Variants in MGMT observed in about 807,000 individuals in gnomAD.
The protein encoded by MGMT is O-6-methylguanine-DNA methyltransferase.
Under a neutral mutation model 15.9 loss-of-function variants are expected in MGMT, and 14 were observed. The observed-to-expected ratio is 0.88, with a 90% CI of 0.58 to 1.37. The LOEUF is 1.37. MGMT is among the 40% of genes most tolerant of loss of function. The pLI is 0.00. For missense variants in MGMT, 282 were observed against 268.1 expected (o/e 1.05, Z -0.36); for synonymous variants, 130 against 118.2 (o/e 1.10, Z -0.65).
chr10:129,552,874 T>C (rs140219420), intron 2 of MGMT, among the ~76,000 whole-genome samples: 4,091 of 152,348 alleles, frequency 0.027, 91 homozygotes, highest in South Asian at 0.064. Context: ...AACGTTTTTT[T>C]CCTGGCTTTT....
intron 2 of MGMT, among the ~76,000 whole-genome samples, chr10:129,641,386 A>C (rs1427759555): frequency 1.3e-5 from 2 of 152,218 alleles, no homozygotes; most frequent in East Asian, 3.8e-4. Context: ...ATTTAACATG[A>C]TTCCAGTCAA....
intron 2 of MGMT, among the ~76,000 whole-genome samples, chr10:129,631,040 T>C (rs1306261770): frequency 6.6e-6 from 1 of 152,202 alleles, no homozygotes; most frequent in African/African-American, 2.4e-5. Context: ...ATCAATAGGA[T>C]CATAAAAGTA....
intron 3 of MGMT, among the ~76,000 whole-genome samples, chr10:129,712,622 G>T (rs1352866708): frequency 6.6e-6 from 1 of 152,176 alleles, no homozygotes; most frequent in African/African-American, 2.4e-5. Flanking sequence ...GGTTCCCACC[G>T]TGTCCTGGAA....
chr10:129,557,007 T>TGG (rs1039475813), intron 2 of MGMT, among the ~76,000 whole-genome samples: 1 of 152,230 alleles, frequency 6.6e-6, no homozygotes, highest in Non-Finnish European at 1.5e-5. Flanking sequence ...TGCTGTGACC[T>TGG]GGGCTGCATG....
At chr10:129,620,175 T>G (rs559057576) in intron 2 of MGMT, among the ~76,000 whole-genome samples, 1 of 152,382 alleles carries the variant, frequency 6.6e-6, no homozygotes, top group Non-Finnish European at 1.5e-5. Context: ...CATTAACTTC[T>G]AAGCAGTGCT....
chr10:129,477,563 G>A (rs919468717), intron 1 of MGMT, among the ~76,000 whole-genome samples: 1 of 151,606 alleles, frequency 6.6e-6, no homozygotes. Context: ...AGAAAGAGAG[G>A]ATCTTTTTTC....
chr10:129,653,910 G>A (rs866050541), intron 2 of MGMT, among the ~76,000 whole-genome samples: 9 of 152,234 alleles, frequency 5.9e-5, no homozygotes, highest in African/African-American at 9.6e-5. Context: ...AGAGGAGAGC[G>A]GCCCTGCAGT....
chr10:129,671,363 T>G (rs1348440849), intron 2 of MGMT, among the ~76,000 whole-genome samples: 1 of 152,202 alleles, frequency 6.6e-6, no homozygotes, highest in Non-Finnish European at 1.5e-5. Flanking sequence ...ATGCTACTAA[T>G]TAGAAGTTTA....
In MGMT at chr10:129,566,026, C is replaced by T. The variant is rs1461402155; in HGVS notation, c.125+29649C>T. Among the ~76,000 whole-genome samples the T allele has an allele frequency of 2.0e-5, 3 of 152,200 alleles. No individual in the cohort carries two copies. Among genetic ancestry groups the T allele is most frequent in the African/African-American group, 4.8e-5 (2 of 41,462 alleles). On this transcript the variant is annotated intron_variant, in intron 2 of 4. Coordinates refer to ENST00000651593, the MANE Select transcript of MGMT (RefSeq NM_002412.5). The surrounding 1 kb of genome is among the most constrained non-coding windows in gnomAD (Gnocchi z 4.1). ...GTCTGAGTTCTGTCCAGTTCAGGTT[C>T]GTAGGCCACTCTTGCAGCTCTGTTC...
chr10:129,709,469 C>G (rs768490339), intron 3 of MGMT, among the ~76,000 whole-genome samples: 38 of 152,200 alleles, frequency 2.5e-4, no homozygotes, highest in Non-Finnish European at 4.3e-4. Context: ...GTGGTGAACT[C>G]TTCTCTATAC....
At chr10:129,484,570 C>A (rs765597664) in intron 1 of MGMT, among the ~76,000 whole-genome samples, 6 of 152,108 alleles carry the variant, frequency 3.9e-5, no homozygotes, top group African/African-American at 1.4e-4. Context: ...CCTTGTTTTA[C>A]GCATCTCTAC....
Position 129,505,998 on chromosome 10 carries a change from C to T in MGMT, c.-12-30243C>T, listed in dbSNP as rs1444267646. On this transcript the variant is annotated intron_variant, in intron 1 of 4. Coordinates refer to ENST00000651593, the MANE Select transcript of MGMT (RefSeq NM_002412.5). ...GACCTGCAGAGTGGTCTCTCGTCTG[C>T]AGTTGCTATTTTTTTTTTTTTTTTT... 5.5e-5 allele frequency among the ~76,000 whole-genome samples: 8 copies of T among 146,360 alleles called. No homozygotes were observed. The Admixed American group carries it at 5.5e-4, about 10-fold the overall frequency.
intron 2 of MGMT, among the ~76,000 whole-genome samples, chr10:129,557,246 TGTATCTTG>T (rs1479593226): frequency 6.6e-6 from 1 of 152,240 alleles, no homozygotes; most frequent in Admixed American, 6.5e-5. Flanking sequence ...GTACTCGCCC[TGTATCTTG>T]GTCTTCTCCT....
At chr10:129,543,322 C>T (rs1453348179) in intron 2 of MGMT, among the ~76,000 whole-genome samples, 2 of 152,138 alleles carry the variant, frequency 1.3e-5, no homozygotes, top group African/African-American at 4.8e-5. Context: ...CCTTCCAAGT[C>T]GTGAATGATG....
chr10:129,473,141 G>T (rs564807664), intron 1 of MGMT, among the ~76,000 whole-genome samples: 1 of 152,214 alleles, frequency 6.6e-6, no homozygotes, highest in Non-Finnish European at 1.5e-5. Context: ...GATCTGACAC[G>T]ATGGCAGTGG....
chr10:129,764,480 G>A (rs3793908), intron 4 of MGMT, among the ~76,000 whole-genome samples: 37,934 of 152,194 alleles, frequency 0.25, 5,697 homozygotes, highest in African/African-American at 0.42. Context: ...AAAAGTAGCA[G>A]TCACCTCCCC....
intron 2 of MGMT, among the ~76,000 whole-genome samples, chr10:129,589,562 T>G (rs536745751): frequency 1.3e-5 from 2 of 152,394 alleles, no homozygotes; most frequent in East Asian, 3.9e-4. Flanking sequence ...CTTTCCATTA[T>G]TCTCAGCAGG....
chr10:129,603,373 C>A (rs939058879), intron 2 of MGMT, among the ~76,000 whole-genome samples: 1 of 152,158 alleles, frequency 6.6e-6, no homozygotes, highest in Admixed American at 6.5e-5. Context: ...TGACTGAGCG[C>A]GTTGGGTTGA....
intron 2 of MGMT, among the ~76,000 whole-genome samples, chr10:129,564,410 T>A (rs1162262536): frequency 5.8e-5 from 3 of 51,706 alleles, no homozygotes; most frequent in African/African-American, 2.5e-4. Context: ...CTTCTCTTCC[T>A]CCTCTACCCC....
Sources: allele counts gnomAD v4.1 joint callset (sites outside exome capture counted in the v4.1 genomes callset), GRCh38; gene constraint gnomAD v4.1.1; non-coding constraint Gnocchi (gnomAD v3.1); transcripts MANE v1.5; gene names NCBI Gene and HGNC (gene_info 2026-07-23, HGNC 2026-07-21).